The following EML6 variants were observed in gnomAD, a reference collection of about 807,000 sequenced individuals.
EML6 encodes echinoderm microtubule-associated protein-like 6.
In EML6, 154 loss-of-function variants were observed where a neutral mutation model predicts 240.1. The observed-to-expected ratio is 0.64, with a 90% CI of 0.56 to 0.73. The LOEUF is 0.73. Among genes scored for constraint, EML6 ranks in the 30% least tolerant of loss-of-function variants. EML6 has a pLI of 0.00. For missense variants in EML6, 2,964 were observed against 2,474.6 expected, an observed-to-expected ratio of 1.20 and a Z score of -4.20; for synonymous variants, 1,148 against 899.0, an observed-to-expected ratio of 1.28 and a Z score of -4.95.
At chr2:54,938,175 G>T (rs1447689777) in intron 28 of EML6, among the ~76,000 whole-genome samples, 2 of 152,116 alleles carry the variant, frequency 1.3e-5, no homozygotes, top group Non-Finnish European at 2.9e-5. Context: ...GCAAAACTTT[G>T]TCTCTACTAA....
intron 25 of EML6, among the ~76,000 whole-genome samples, chr2:54,912,200 C>A (rs927505977): frequency 1.3e-5 from 2 of 152,140 alleles, no homozygotes; most frequent in Non-Finnish European, 2.9e-5. Context: ...CGTTATAGAT[C>A]ATGGCATTGT....
chr2:54,789,622 G>T (rs1298633323), intron 2 of EML6, among the ~76,000 whole-genome samples: 3 of 149,170 alleles, frequency 2.0e-5, no homozygotes, highest in African/African-American at 7.4e-5. Context: ...TTCCGTACTT[G>T]TATTGGTTTT....
intron 2 of EML6, among the ~76,000 whole-genome samples, chr2:54,750,301 G>A (rs760281854): frequency 1.4e-4 from 22 of 152,160 alleles, no homozygotes; most frequent in Admixed American, 6.5e-5. Flanking sequence ...CTGCCATTCC[G>A]ATGGCTTCAT....
intron 7 of EML6, among the ~76,000 whole-genome samples, chr2:54,839,550 C>G (rs930842208): frequency 1.3e-5 from 2 of 152,248 alleles, no homozygotes; most frequent in South Asian, 2.1e-4. Context: ...AATGTAGCAA[C>G]TCCTTCTCTT....
intron 28 of EML6, among the ~76,000 whole-genome samples, chr2:54,944,465 C>T (rs1247441493): frequency 6.6e-6 from 1 of 152,164 alleles, no homozygotes; most frequent in Non-Finnish European, 1.5e-5. Context: ...ATAACCACTG[C>T]TCCAGTCAAG....
chr2:54,744,161 T>A (rs899777827), intron 2 of EML6, among the ~76,000 whole-genome samples: 12 of 151,916 alleles, frequency 7.9e-5, no homozygotes, highest in African/African-American at 1.2e-4. Flanking sequence ...AAAATAATAA[T>A]GTAGCACACT....
chr2:54,891,764 C>T (rs1672481187), intron 18 of EML6, among the ~76,000 whole-genome samples: 1 of 152,120 alleles, frequency 6.6e-6, no homozygotes, highest in African/African-American at 2.4e-5. Context: ...TGTTCCAGTG[C>T]ATTTTGCTTT....
intron 16 of EML6, among the ~76,000 whole-genome samples, chr2:54,875,267 T>TA (rs1349642668): frequency 6.6e-6 from 1 of 152,224 alleles, no homozygotes; most frequent in Non-Finnish European, 1.5e-5. Flanking sequence ...CAAGGGCAAC[T>TA]AATGCTACCA....
chr2:54,957,858 G>C lies in EML6; in HGVS notation c.4555G>C (p.Asp1519His), dbSNP rs1676303883. Reference protein sequence around the residue: ...IFVVEFRPDSDTQFVSVGVKH... With the variant: ...IFVVEFRPDSHTQFVSVGVKH... ...TGTGGTGGAATTTCGCCCCGACTCAGACACGCAGTTTGTATCTGTCGGGGT... is the reference window on the plus strand; with the variant it reads ...TGTGGTGGAATTTCGCCCCGACTCACACACGCAGTTTGTATCTGTCGGGGT... Residue 1519 changes from aspartate to histidine, a missense_variant, in exon 33 of 42, where the codon GAC becomes CAC. Asp to His is a moderately conservative substitution (Grantham distance 81). Transcript: ENST00000356458. 1.9e-6 allele frequency: 3 copies of C among 1,551,054 alleles called. No individual in the cohort carries two copies.
intron 2 of EML6, among the ~76,000 whole-genome samples, chr2:54,733,754 G>C (rs1683269702): frequency 6.6e-6 from 1 of 152,182 alleles, no homozygotes; most frequent in Non-Finnish European, 1.5e-5. Flanking sequence ...TCCCAGGAAA[G>C]AGAATCGAAT....
intron 7 of EML6, among the ~76,000 whole-genome samples, chr2:54,836,771 T>C (rs1669171022): frequency 6.6e-6 from 1 of 152,150 alleles, no homozygotes; most frequent in South Asian, 2.1e-4. Flanking sequence ...TCCTAATCGT[T>C]TTTTAGCAAG....
Position 54,911,008 on chromosome 2 carries a change from C to G in EML6, c.3464C>G (p.Pro1155Arg), listed in dbSNP as rs1468359101. ...GAREQLFFEAPRGKRHIIRPS... is the reference protein window; with the variant it reads ...GAREQLFFEARRGKRHIIRPS... ...AGAGAACAACTTTTTTTTGAAGCTC[C>G]AAGAGGCAAACGGCATATAATAAGA... The change falls in exon 25 of 42, where the codon CCA becomes CGA. Residue 1155 changes from proline (P) to arginine (R), a missense_variant. Transcript: ENST00000356458. The G allele has an allele frequency of 6.5e-7, 1 of 1,539,534 alleles. No individual in the cohort carries two copies. The highest frequency in any genetic ancestry group is 2.5e-5 in the East Asian group (1 of 40,786).
intron 26 of EML6, among the ~76,000 whole-genome samples, chr2:54,926,695 C>T (rs182819779): frequency 1.3e-5 from 2 of 152,308 alleles, no homozygotes; most frequent in East Asian, 3.9e-4. Context: ...GATTTTCTTT[C>T]CTATTCTGAG....
intron 2 of EML6, among the ~76,000 whole-genome samples, chr2:54,743,502 G>C (rs1287889455): frequency 6.6e-6 from 1 of 152,144 alleles, no homozygotes; most frequent in African/African-American, 2.4e-5. Flanking sequence ...AGAATTCAGA[G>C]GTATAGTTAC....
At chr2:54,736,820 G>A (rs1266480490) in intron 2 of EML6, among the ~76,000 whole-genome samples, 1 of 152,138 alleles carries the variant, frequency 6.6e-6, no homozygotes, top group Non-Finnish European at 1.5e-5. Context: ...GCCGGTCAGT[G>A]TCACTGATGA....
chr2:54,891,671 C>G (rs1261946381), intron 18 of EML6, among the ~76,000 whole-genome samples: 11 of 152,212 alleles, frequency 7.2e-5, no homozygotes, highest in African/African-American at 2.7e-4. Context: ...ATAAGTCAGA[C>G]TTAATACAAT....
At chr2:54,737,685 G>A in intron 2 of EML6, among the ~76,000 whole-genome samples, 1 of 152,114 alleles carries the variant, frequency 6.6e-6, no homozygotes, top group South Asian at 2.1e-4. Context: ...TCTAAACACA[G>A]CAGCCAGAGT....
At chr2:54,858,439 C>G (rs1670502522) in intron 11 of EML6, among the ~76,000 whole-genome samples, 1 of 152,228 alleles carries the variant, frequency 6.6e-6, no homozygotes, top group South Asian at 2.1e-4. Context: ...GAGGCCAACA[C>G]TTTAAGATCT....
chr2:54,884,686 G>GA (rs1173575560), intron 17 of EML6, among the ~76,000 whole-genome samples: 1 of 152,196 alleles, frequency 6.6e-6, no homozygotes, highest in South Asian at 2.1e-4. Flanking sequence ...ATGGCACTAA[G>GA]AAATCAGATG....
Sources: allele counts gnomAD v4.1 joint callset (sites outside exome capture counted in the v4.1 genomes callset), GRCh38; gene constraint gnomAD v4.1.1; transcripts MANE v1.5; gene names NCBI Gene and HGNC (gene_info 2026-07-23, HGNC 2026-07-21).